The following ESF1 variants were observed in gnomAD, a reference collection of about 807,000 sequenced individuals.
The protein encoded by ESF1 is ESF1 homolog.
Under a neutral mutation model 92.0 loss-of-function variants are expected in ESF1, and 58 were observed. The observed-to-expected ratio is 0.63, with a 90% CI of 0.51 to 0.78. ESF1 has a LOEUF of 0.78. Among genes scored for constraint, ESF1 ranks in the 30% least tolerant of loss-of-function variants. The pLI is 0.00. For synonymous variants in ESF1, 321 were observed against 313.7 expected (o/e 1.02, Z -0.24); for missense variants, 922 against 989.1 (o/e 0.93, Z 0.91).
chr20:13,755,387 A>AAAT (rs1217648314), intron 9 of ESF1, among the ~76,000 whole-genome samples: 1 of 152,228 alleles, frequency 6.6e-6, no homozygotes, highest in African/African-American at 2.4e-5. Flanking sequence ...TATCTACAAA[A>AAAT]AATATTATGT....
At chr20:13,747,009 T>C (rs552630021) in intron 9 of ESF1, among the ~76,000 whole-genome samples, 2 of 152,082 alleles carry the variant, frequency 1.3e-5, no homozygotes, top group South Asian at 2.1e-4. Flanking sequence ...TACAGCAAGA[T>C]AGAGAAAACG....
At chr20:13,754,851 T>C (rs988916384) in intron 9 of ESF1, among the ~76,000 whole-genome samples, 22 of 152,230 alleles carry the variant, frequency 1.4e-4, no homozygotes, top group Admixed American at 1.4e-3. Context: ...GGCCCCAAAC[T>C]ACCTCTCTGA....
intron 9 of ESF1, among the ~76,000 whole-genome samples, chr20:13,734,422 A>T (rs1416323337): frequency 1.3e-5 from 2 of 152,198 alleles, no homozygotes; most frequent in African/African-American, 4.8e-5. Flanking sequence ...CTCATAGAAA[A>T]GATCAGAAGG....
In ESF1 at chr20:13,738,408, G is replaced by A. The variant is rs139666681; in HGVS notation, c.1829-4566C>T. ...AGCTCACTGCAGCCTAGATGTCCCA[G>A]GCTCAAGCAATCTTCCCACCTCAGC... On this transcript the variant is annotated intron_variant, in intron 9 of 13. Transcript: ENST00000617257. 3.8e-3 allele frequency among the ~76,000 whole-genome samples: 572 copies of A among 151,584 alleles called. 3 individuals carry two copies. Among genetic ancestry groups the A allele is most frequent in the African/African-American group, 0.013 (524 of 41,288 alleles).
rs760477050 is a variant in ESF1, at chr20:13,770,008, C to T, written c.1417G>A (p.Asp473Asn). The stretch of plus-strand genomic sequence containing the variant: ...TTAGGCTCATCATCAAAAGTAATAT[C>T]ATCTGGTATAAACCTAAGAAGTAAA... ...SFIDLRFIPD[D>N]ITFDDEPKDV... The change falls in exon 7 of 14, where the codon GAT (aspartate) becomes AAT (asparagine). Residue 473 changes from aspartate (D) to asparagine (N), a missense_variant. Asp to Asn is a conservative substitution (Grantham distance 23). Coordinates refer to ENST00000617257, the MANE Select transcript of ESF1 (RefSeq NM_001276380.2). The T allele has an allele frequency of 1.2e-6, 2 of 1,606,210 alleles. No homozygotes were observed. Among genetic ancestry groups the T allele is most frequent in the South Asian group, 2.2e-5 (2 of 89,796 alleles).
At chr20:13,736,043 T>C (rs1042284994) in intron 9 of ESF1, among the ~76,000 whole-genome samples, 2 of 152,142 alleles carry the variant, frequency 1.3e-5, no homozygotes, top group Non-Finnish European at 2.9e-5. Context: ...GTAAAGAACA[T>C]TTATAGGAGC....
chr20:13,753,255 C>G (rs1233218375), intron 9 of ESF1, among the ~76,000 whole-genome samples: 2 of 151,750 alleles, frequency 1.3e-5, no homozygotes, highest in African/African-American at 4.8e-5. Flanking sequence ...CCCCCTTACC[C>G]ATTTATCTGC....
intron 9 of ESF1, among the ~76,000 whole-genome samples, chr20:13,742,195 T>C (rs1305539398): frequency 2.0e-5 from 3 of 152,086 alleles, no homozygotes; most frequent in Admixed American, 2.0e-4. Context: ...GACGAAACCC[T>C]GTCTCTACTA....
intron 2 of ESF1, among the ~76,000 whole-genome samples, chr20:13,779,686 C>T (rs1980094676): frequency 6.6e-6 from 1 of 152,130 alleles, no homozygotes. Flanking sequence ...AGGTGTGCAC[C>T]ACTATGCCCA....
chr20:13,718,155 C>T (rs971312052), intron 12 of ESF1, among the ~76,000 whole-genome samples: 17 of 152,096 alleles, frequency 1.1e-4, no homozygotes, highest in Admixed American at 4.6e-4. Flanking sequence ...ATGCTCTCGA[C>T]CTTTGTGGAT....
chr20:13,741,795 G>A (rs962511972), intron 9 of ESF1, among the ~76,000 whole-genome samples: 1 of 152,156 alleles, frequency 6.6e-6, no homozygotes, highest in Non-Finnish European at 1.5e-5. Context: ...AAGTATTCTT[G>A]TTCATTAGAT....
chr20:13,760,742 G>T (rs1365270053), intron 8 of ESF1, among the ~76,000 whole-genome samples: 1 of 150,502 alleles, frequency 6.6e-6, no homozygotes, highest in African/African-American at 2.4e-5. Flanking sequence ...CAGCCGCCCC[G>T]TCCGGGAGGG....
intron 11 of ESF1, among the ~76,000 whole-genome samples, chr20:13,727,276 C>T (rs889277463): frequency 2.0e-5 from 3 of 152,168 alleles, no homozygotes; most frequent in Non-Finnish European, 2.9e-5. Context: ...TGATAAAAAG[C>T]AGAATATGCT....
intron 10 of ESF1, among the ~76,000 whole-genome samples, chr20:13,732,931 T>G (rs1011554848): frequency 6.6e-6 from 1 of 151,726 alleles, no homozygotes; most frequent in African/African-American, 2.4e-5. Context: ...TATTTATTTA[T>G]TTATTTATTT....
chr20:13,718,136 A>T (rs1206039332), intron 12 of ESF1, among the ~76,000 whole-genome samples: 1 of 152,238 alleles, frequency 6.6e-6, no homozygotes, highest in Non-Finnish European at 1.5e-5. Context: ...ACTAGTAAAA[A>T]TACAGAGTAT....
At chr20:13,739,119 A>G (rs567209797) in intron 9 of ESF1, among the ~76,000 whole-genome samples, 12 of 152,308 alleles carry the variant, frequency 7.9e-5, no homozygotes, top group South Asian at 2.1e-4. Flanking sequence ...CCTCAATTCT[A>G]TATCTTCCAA....
intron 9 of ESF1, among the ~76,000 whole-genome samples, chr20:13,741,820 G>A (rs1315563054): frequency 1.3e-5 from 2 of 152,136 alleles, no homozygotes; most frequent in African/African-American, 4.8e-5. Context: ...GAAGAAAGTG[G>A]GAGAAGAGAG....
At chr20:13,772,636 T>C (rs1026277549) in intron 4 of ESF1, 21 bp from the exon 5 acceptor site, 2 of 1,530,824 alleles carry the variant, frequency 1.3e-6, no homozygotes, top group Non-Finnish European at 1.8e-6. Context: ...AAAAATAGGA[T>C]CAATGTAATT....
chr20:13,759,738 C>T lies in ESF1; in HGVS notation c.1782G>A (p.Lys594=). ...QLLQVIQEKE[K]KGKENDMEME... ...TTTCCATATCATTTTCTTTGCCTTTCTTTTCTTTTTCTTGAATAACCTGCA... is the reference window on the plus strand; with the variant it reads ...TTTCCATATCATTTTCTTTGCCTTTTTTTTCTTTTTCTTGAATAACCTGCA... Residue 594 remains lysine, a synonymous_variant, in exon 9 of 14, where the codon AAG becomes AAA. Coordinates refer to ENST00000617257, the MANE Select transcript of ESF1 (RefSeq NM_001276380.2). 6.4e-7 allele frequency: 1 copy of T among 1,569,834 alleles called. No homozygotes were observed. The highest frequency in any genetic ancestry group is 8.6e-7 in the Non-Finnish European group (1 of 1,167,808).
Sources: gnomAD v4.1 joint callset for allele counts (sites outside exome capture counted in the v4.1 genomes callset) on GRCh38, gnomAD v4.1.1 for gene constraint, MANE v1.5 for transcripts, NCBI Gene and HGNC (gene_info 2026-07-23, HGNC 2026-07-21) for gene names.